Variants in NRG3 observed in about 807,000 individuals in gnomAD.
The protein encoded by NRG3 is neuregulin 3.
In NRG3, 31 loss-of-function variants were observed where a neutral mutation model predicts 66.9. The ratio of observed to expected loss-of-function variants is 0.46; its 90% CI spans 0.35 to 0.63. NRG3 has a LOEUF of 0.63. Among genes scored for constraint, NRG3 ranks in the 20% least tolerant of loss-of-function variants. The probability of loss-of-function intolerance (pLI) is 0.00; values close to 1 mark genes in which losing one functional copy is unlikely to be tolerated. For synonymous variants in NRG3, 393 were observed against 359.4 expected, an observed-to-expected ratio of 1.09 and a Z score of -1.06; for missense variants, 910 against 878.9, an observed-to-expected ratio of 1.04 and a Z score of -0.45.
chr10:82,858,043 G>T (rs913647105), intron 3 of NRG3, among the ~76,000 whole-genome samples: 1 of 152,144 alleles, frequency 6.6e-6, no homozygotes, highest in African/African-American at 2.4e-5. Context: ...TTCCCACTGT[G>T]GGATTTAAGG....
chr10:82,645,890 G>C (rs890544776), intron 2 of NRG3, among the ~76,000 whole-genome samples: 1 of 151,444 alleles, frequency 6.6e-6, no homozygotes, highest in African/African-American at 2.4e-5. Flanking sequence ...TCTTCTCTCA[G>C]CTATAGTGCC....
intron 1 of NRG3, among the ~76,000 whole-genome samples, chr10:82,219,102 A>G (rs1040793781): frequency 6.6e-6 from 1 of 151,968 alleles, no homozygotes; most frequent in African/African-American, 2.4e-5. Context: ...TAAGTGTGCT[A>G]TATCAAATAA....
At chr10:82,654,046 C>A (rs553012065) in intron 2 of NRG3, among the ~76,000 whole-genome samples, 3 of 152,112 alleles carry the variant, frequency 2.0e-5, no homozygotes, top group Non-Finnish European at 4.4e-5. Context: ...AAGAGCACTA[C>A]ATTATTTGTG....
intron 1 of NRG3, among the ~76,000 whole-genome samples, chr10:82,275,170 C>G (rs1453138661): frequency 6.6e-6 from 1 of 152,004 alleles, no homozygotes. Flanking sequence ...AAAAAGTATA[C>G]TTGTACATCT....
intron 2 of NRG3, among the ~76,000 whole-genome samples, chr10:82,384,212 G>A (rs1001770708): frequency 5.3e-5 from 8 of 150,908 alleles, no homozygotes; most frequent in Non-Finnish European, 1.5e-5. Context: ...AAGTTGTTTG[G>A]GTTTTTCTTT....
chr10:82,434,975 G>C (rs2090043447), intron 2 of NRG3, among the ~76,000 whole-genome samples: 1 of 152,128 alleles, frequency 6.6e-6, no homozygotes, highest in African/African-American at 2.4e-5. Context: ...AGTTAGGGAG[G>C]AGTCTCTCCT....
At chr10:82,703,730 G>T (rs990388161) in intron 2 of NRG3, among the ~76,000 whole-genome samples, 1 of 152,100 alleles carries the variant, frequency 6.6e-6, no homozygotes, top group African/African-American at 2.4e-5. Context: ...TGTCTAAGCC[G>T]GGATGCTGTC....
At chr10:82,485,100 A>G in intron 2 of NRG3, among the ~76,000 whole-genome samples, 1 of 152,154 alleles carries the variant, frequency 6.6e-6, no homozygotes, top group Admixed American at 6.5e-5. Flanking sequence ...GCTCCATGCT[A>G]GCACGGTTAG....
intron 2 of NRG3, among the ~76,000 whole-genome samples, chr10:82,371,238 T>C (rs1378094257): frequency 6.6e-6 from 1 of 152,096 alleles, no homozygotes; most frequent in Non-Finnish European, 1.5e-5. Flanking sequence ...TCCTCAACTA[T>C]ATAAAATCCC....
intron 1 of NRG3, among the ~76,000 whole-genome samples, chr10:82,236,488 C>T (rs1268787205): frequency 6.6e-6 from 1 of 152,170 alleles, no homozygotes; most frequent in Admixed American, 6.5e-5. Flanking sequence ...CATCCTTGTA[C>T]ATTGCACTAC....
chr10:82,186,434 G>T (rs2073813026), intron 1 of NRG3, among the ~76,000 whole-genome samples: 1 of 152,100 alleles, frequency 6.6e-6, no homozygotes, highest in Non-Finnish European at 1.5e-5. Flanking sequence ...CTCCATCCTG[G>T]TCACTGACAG....
At chr10:81,892,760 A>G (rs752975764) in intron 1 of NRG3, among the ~76,000 whole-genome samples, 4 of 152,208 alleles carry the variant, frequency 2.6e-5, no homozygotes, top group Non-Finnish European at 2.9e-5. Flanking sequence ...TACTAGCATA[A>G]CAGGGTGACT....
intron 1 of NRG3, among the ~76,000 whole-genome samples, chr10:82,115,628 A>G (rs1232395726): frequency 2.6e-5 from 4 of 152,144 alleles, no homozygotes; most frequent in Admixed American, 6.5e-5. Flanking sequence ...TGAGACAGGC[A>G]TACACTCAGG....
At chr10:82,027,647 C>T (rs911001642) in intron 1 of NRG3, among the ~76,000 whole-genome samples, 1 of 152,070 alleles carries the variant, frequency 6.6e-6, no homozygotes, top group Non-Finnish European at 1.5e-5. Flanking sequence ...CAATTCAAAA[C>T]TCAAAATTAA....
intron 2 of NRG3, among the ~76,000 whole-genome samples, chr10:82,713,713 G>A (rs1046584002): frequency 1.3e-5 from 2 of 152,170 alleles, no homozygotes; most frequent in Non-Finnish European, 2.9e-5. Context: ...AGGGACCACT[G>A]TGGACCTCCT....
In NRG3 at chr10:82,617,113, A is replaced by G. The variant is rs529927472; in HGVS notation, c.954-121464A>G. ...AATGCACAGAGGCTCTGCCTATGCAACCTTGAAGACCCTCCACATACATGC... is the reference window on the plus strand; with the variant it reads ...AATGCACAGAGGCTCTGCCTATGCAGCCTTGAAGACCCTCCACATACATGC... On this transcript the variant is annotated intron_variant, in intron 2 of 8. Transcript: ENST00000372141. Among the ~76,000 whole-genome samples, 14 of 152,140 alleles carry G rather than the reference A, an allele frequency of 9.2e-5. No individual in the cohort carries two copies. In the South Asian group the frequency reaches 2.7e-3, roughly 29 times the overall value.
chr10:82,030,265 A>G (rs914725757), intron 1 of NRG3, among the ~76,000 whole-genome samples: 1 of 152,122 alleles, frequency 6.6e-6, no homozygotes, highest in Non-Finnish European at 1.5e-5. Context: ...GAGCTCCACC[A>G]GATCTTTGCT....
At chr10:82,383,049 T>G (rs1397751575) in intron 2 of NRG3, among the ~76,000 whole-genome samples, 1 of 151,984 alleles carries the variant, frequency 6.6e-6, no homozygotes, top group Non-Finnish European at 1.5e-5. Flanking sequence ...ACGGAATACC[T>G]TCAAAAAGGC....
chr10:82,095,300 CAA>C (rs11351940), intron 1 of NRG3, among the ~76,000 whole-genome samples: 7,272 of 148,600 alleles, frequency 0.049, 533 homozygotes, highest in African/African-American at 0.16. Flanking sequence ...TTGCTTAAGC[CAA>C]AAAAAAAAAA....
Sources: allele counts gnomAD v4.1 joint callset (sites outside exome capture counted in the v4.1 genomes callset), GRCh38; gene constraint gnomAD v4.1.1; transcripts MANE v1.5; gene names NCBI Gene and HGNC (gene_info 2026-07-23, HGNC 2026-07-21).